The following TSPAN7 variants were observed in gnomAD, a reference collection of about 807,000 sequenced individuals.
TSPAN7 encodes the protein tetraspanin-7.
TSPAN7 carries 1 observed loss-of-function variant against 17.6 expected under a neutral mutation model. That is an observed-to-expected ratio of 0.06 (90% CI 0.02 to 0.27). TSPAN7 has a LOEUF of 0.27. Among genes scored for constraint, TSPAN7 ranks in the 10% least tolerant of loss-of-function variants. TSPAN7 has a pLI of 1.00. For synonymous variants in TSPAN7, 78 were observed against 79.0 expected (o/e 0.99, Z 0.07); for missense variants, 112 against 201.7 (o/e 0.56, Z 2.69).
chrX:38,610,211 T>C (rs1056378805), intron 1 of TSPAN7, among the ~76,000 whole-genome samples: 1 of 111,676 alleles, frequency 9.0e-6, no homozygotes, highest in Non-Finnish European at 1.9e-5. Flanking sequence ...CTATGGGTAT[T>C]CATATTAACC....
In TSPAN7 at chrX:38,675,865, C is replaced by T; in HGVS notation, c.597+5C>T. On this transcript the variant is annotated splice_donor_5th_base_variant and intron_variant, in intron 5 of 7. Transcript: ENST00000378482. ...GCCACCAAAGTTAACCAGAAGGTAC[C>T]CGCTTTCTCCTGGCCCAGATGGGAC... The T allele has an allele frequency of 8.3e-7, 1 of 1,211,055 alleles. No homozygotes were observed. Among genetic ancestry groups the T allele is most frequent in the Non-Finnish European group, 1.1e-6 (1 of 895,140 alleles).
chrX:38,651,337 C>T lies in TSPAN7; in HGVS notation c.82-14784C>T, dbSNP rs1422357603. Among the ~76,000 whole-genome samples, 4 of 110,320 alleles carry T rather than the reference C, an allele frequency of 3.6e-5. No homozygotes were observed. The South Asian group carries it at 1.2e-3, about 32-fold the overall frequency. On this transcript the variant is annotated intron_variant, in intron 1 of 7. Coordinates refer to ENST00000378482, the MANE Select transcript of TSPAN7 (RefSeq NM_004615.4). ...AAAATTAGCCGGGCGTGGTGGCGGG[C>T]GCCTATAATCCCAGCTACTCGGGAG...
chrX:38,605,656 A>G (rs1325090164), intron 1 of TSPAN7, among the ~76,000 whole-genome samples: 2 of 108,920 alleles, frequency 1.8e-5, no homozygotes, highest in African/African-American at 6.7e-5. Context: ...CCTGACTTCA[A>G]ACTATACTAC....
intron 1 of TSPAN7, among the ~76,000 whole-genome samples, chrX:38,624,903 A>G (rs988505814): frequency 8.9e-6 from 1 of 112,529 alleles, no homozygotes; most frequent in Non-Finnish European, 1.9e-5. Flanking sequence ...ATGATTTTTA[A>G]TATACAACTA....
At chrX:38,664,266 T>C (rs1344446593) in intron 1 of TSPAN7, among the ~76,000 whole-genome samples, 1 of 111,960 alleles carries the variant, frequency 8.9e-6, no homozygotes. Flanking sequence ...CTCAATGGAA[T>C]AGTAAGCATT....
At chrX:38,577,804 A>G (rs750761934) in intron 1 of TSPAN7, among the ~76,000 whole-genome samples, 2 of 108,915 alleles carry the variant, frequency 1.8e-5, no homozygotes, top group African/African-American at 6.8e-5. Flanking sequence ...CCTAAAACTT[A>G]AAGTATAAAA....
intron 1 of TSPAN7, among the ~76,000 whole-genome samples, chrX:38,641,634 C>T (rs2069612435): frequency 9.0e-6 from 1 of 111,648 alleles, no homozygotes; most frequent in Non-Finnish European, 1.9e-5. Context: ...TTCATGTACT[C>T]CTTCAAACTC....
chrX:38,569,937 G>A (rs926622274), intron 1 of TSPAN7, among the ~76,000 whole-genome samples: 1 of 111,703 alleles, frequency 9.0e-6, no homozygotes, highest in African/African-American at 3.3e-5. Context: ...AATAAATATT[G>A]GTACCCAGTT....
chrX:38,681,496 G>T (rs1416661623), intron 6 of TSPAN7, among the ~76,000 whole-genome samples: 2 of 112,272 alleles, frequency 1.8e-5, no homozygotes, highest in African/African-American at 6.5e-5. Context: ...ATCAGTTACA[G>T]TTAAACTAAT....
intron 1 of TSPAN7, among the ~76,000 whole-genome samples, chrX:38,602,389 G>A (rs12853943): frequency 1.6e-4 from 18 of 111,166 alleles, no homozygotes; most frequent in Non-Finnish European, 2.8e-4. Flanking sequence ...CTCTCATATG[G>A]CAAACAGCAT....
chrX:38,620,633 C>T (rs1317145825), intron 1 of TSPAN7, among the ~76,000 whole-genome samples: 2 of 111,704 alleles, frequency 1.8e-5, no homozygotes, highest in Non-Finnish European at 3.8e-5. Context: ...GACCTGACTA[C>T]AAGGTGTGGA....
Position 38,561,558 on chromosome X carries a change from G to A in TSPAN7, c.12G>A (p.Arg4=). Reference sequence around the variant, plus strand: ...CGGAGCTCTGTAGTATGGCATCGAGGAGAATGGAGACCAAACCTGTGATAA... The same window carrying A: ...CGGAGCTCTGTAGTATGGCATCGAGAAGAATGGAGACCAAACCTGTGATAA... MAS[R]RMETKPVITC... Residue 4 remains arginine (R), a synonymous_variant, in exon 1 of 8, where the codon AGG becomes AGA. Transcript: ENST00000378482. 1 of 1,199,766 alleles carries A rather than the reference G, an allele frequency of 8.3e-7. No homozygotes were observed. Among genetic ancestry groups the A allele is most frequent in the South Asian group, 1.8e-5 (1 of 56,563 alleles).
intron 5 of TSPAN7, among the ~76,000 whole-genome samples, chrX:38,677,733 G>A (rs2069863797): frequency 8.9e-6 from 1 of 112,523 alleles, no homozygotes; most frequent in African/African-American, 3.2e-5. Context: ...TGTCTAGCAA[G>A]TTTCCTTAGA....
At chrX:38,656,066 A>C (rs2069702755) in intron 1 of TSPAN7, 2 of 323,105 alleles carry the variant, frequency 6.2e-6, no homozygotes, top group Non-Finnish European at 1.2e-5. Flanking sequence ...AGAGCTCGTC[A>C]CTAAGATTCA....
intron 1 of TSPAN7, among the ~76,000 whole-genome samples, chrX:38,595,469 T>C (rs769697556): frequency 2.7e-5 from 3 of 112,321 alleles, no homozygotes; most frequent in African/African-American, 6.5e-5. Flanking sequence ...AGATGTGATG[T>C]CCTCATTTGA....
At chrX:38,626,960 T>C (rs1156467410) in intron 1 of TSPAN7, among the ~76,000 whole-genome samples, 2 of 111,225 alleles carry the variant, frequency 1.8e-5, no homozygotes, top group Non-Finnish European at 3.8e-5. Flanking sequence ...CTCATCTTTC[T>C]TCTGGGATCA....
intron 1 of TSPAN7, among the ~76,000 whole-genome samples, chrX:38,661,972 G>T (rs2069748795): frequency 9.0e-6 from 1 of 111,561 alleles, no homozygotes; most frequent in African/African-American, 3.3e-5. Flanking sequence ...TATGATAGTG[G>T]CTTTTGTCTT....
At chrX:38,683,010 T>C in intron 6 of TSPAN7, among the ~76,000 whole-genome samples, 1 of 111,167 alleles carries the variant, frequency 9.0e-6, no homozygotes. Context: ...ACCTGTCCCA[T>C]TGGAGGAAAA....
At position 38,656,744 on chromosome X, in the gene TSPAN7, A is replaced by C. The variant is rs190440551; in HGVS notation, c.82-9377A>C. Among the ~76,000 whole-genome samples, 28 of 112,041 alleles carry C rather than the reference A, an allele frequency of 2.5e-4. No individual in the cohort carries two copies. The East Asian group carries it at 7.0e-3, about 28-fold the overall frequency. ...GAAACCAGAGGTATGAGCTATATTCATATAGTCTTAACCTCTGGTTTGCTT... is the reference window on the plus strand; with the variant it reads ...GAAACCAGAGGTATGAGCTATATTCCTATAGTCTTAACCTCTGGTTTGCTT... On this transcript the variant is annotated intron_variant, in intron 1 of 7. Transcript: ENST00000378482.
Sources: allele counts gnomAD v4.1 joint callset (sites outside exome capture counted in the v4.1 genomes callset), GRCh38; gene constraint gnomAD v4.1.1; transcripts MANE v1.5; gene names NCBI Gene and HGNC (gene_info 2026-07-23, HGNC 2026-07-21).